Variants in CLIP2 observed in about 807,000 individuals in gnomAD.
CLIP2 encodes the protein CAP-Gly domain containing linker protein 2, also known as CAP-Gly domain-containing linker protein 2.
A neutral mutation model predicts 111.7 loss-of-function variants in CLIP2; 41 were observed. That is an observed-to-expected ratio of 0.37 (90% confidence interval 0.29 to 0.48). The LOEUF (loss-of-function observed/expected upper bound fraction) is 0.48. Ranked by LOEUF, CLIP2 falls within the 20% of genes least tolerant of loss-of-function variation. CLIP2 has a pLI of 0.99. For missense variants in CLIP2, 1,160 were observed against 1,422.1 expected, an observed-to-expected ratio of 0.82 and a Z score of 2.96; for synonymous variants, 660 against 644.2, an observed-to-expected ratio of 1.02 and a Z score of -0.37.
chr7:74,345,883 A>G (rs1425603308), intron 3 of CLIP2, among the ~76,000 whole-genome samples: 1 of 152,136 alleles, frequency 6.6e-6, no homozygotes, highest in Non-Finnish European at 1.5e-5. Flanking sequence ...AGAGGAAGAA[A>G]GAAATATTTA....
chr7:74,353,533 G>A (rs1457401346), intron 3 of CLIP2, among the ~76,000 whole-genome samples: 2 of 152,148 alleles, frequency 1.3e-5, no homozygotes, highest in African/African-American at 2.4e-5. Flanking sequence ...TTACAGGCAT[G>A]AGCCACCATG....
At chr7:74,329,291 C>T (rs528575482) in intron 2 of CLIP2, among the ~76,000 whole-genome samples, 4 of 151,928 alleles carry the variant, frequency 2.6e-5, no homozygotes, top group East Asian at 1.9e-4. Context: ...GTGATCCTCC[C>T]GCCTCGGCCT....
At chr7:74,334,173 A>G (rs1011320920) in intron 2 of CLIP2, among the ~76,000 whole-genome samples, 2 of 152,106 alleles carry the variant, frequency 1.3e-5, no homozygotes, top group Admixed American at 1.3e-4. Context: ...AGGGATAGGG[A>G]ATTTCCCATG....
chr7:74,328,698 T>C (rs1789189467), intron 2 of CLIP2, among the ~76,000 whole-genome samples: 2 of 152,122 alleles, frequency 1.3e-5, no homozygotes, highest in African/African-American at 4.8e-5. Flanking sequence ...GGCAGAAGGA[T>C]GGAGCTTTGC....
intron 2 of CLIP2, among the ~76,000 whole-genome samples, chr7:74,324,655 C>T (rs1449574786): frequency 6.6e-6 from 1 of 152,066 alleles, no homozygotes; most frequent in Non-Finnish European, 1.5e-5. Context: ...TGTCCTCTCC[C>T]TTCACTGCAC....
chr7:74,359,392 C>T (rs1164983851), intron 6 of CLIP2, among the ~76,000 whole-genome samples: 6 of 141,852 alleles, frequency 4.2e-5, no homozygotes, highest in Admixed American at 7.5e-5. Context: ...CTCGCTCTGT[C>T]GCCCAGGCTG....
chr7:74,305,865 A>ACCCCCCCCCC (rs1788472143), intron 1 of CLIP2, among the ~76,000 whole-genome samples: 7 of 75,046 alleles, frequency 9.3e-5, no homozygotes, highest in African/African-American at 3.0e-4. Context: ...ACCCCCCCCC[A>ACCCCCCCCCC]CCGCCCCTGC....
intron 7 of CLIP2, among the ~76,000 whole-genome samples, chr7:74,362,343 C>A (rs1471554329): frequency 6.6e-6 from 1 of 152,096 alleles, no homozygotes; most frequent in African/African-American, 2.4e-5. Context: ...CCAACACCCC[C>A]ACTTGGGTCT....
intron 1 of CLIP2, among the ~76,000 whole-genome samples, chr7:74,308,354 G>A (rs1463375545): frequency 6.6e-6 from 1 of 152,104 alleles, no homozygotes; most frequent in Non-Finnish European, 1.5e-5. Flanking sequence ...GCTGTGTGAT[G>A]ACCTGTGGTG....
At chr7:74,329,817 T>C (rs1198037093) in intron 2 of CLIP2, among the ~76,000 whole-genome samples, 2 of 152,150 alleles carry the variant, frequency 1.3e-5, no homozygotes, top group African/African-American at 4.8e-5. Context: ...TCTTGCTCTG[T>C]GGCCCAGGCT....
chr7:74,324,425 T>C (rs1554730424), intron 2 of CLIP2, among the ~76,000 whole-genome samples: 2 of 152,186 alleles, frequency 1.3e-5, no homozygotes, highest in Non-Finnish European at 2.9e-5. Flanking sequence ...GAACGGACTG[T>C]AGTGTGGTGT....
rs1367096033 is a variant in CLIP2, at chr7:74,338,832, T to C, written c.506T>C (p.Leu169Pro). 2 of 1,610,868 alleles carry C rather than the reference T, an allele frequency of 1.2e-6. No homozygotes were observed. The highest frequency in any genetic ancestry group is 2.7e-5 in the African/African-American group (2 of 74,902). ...GTGGAGTCGCTGACTGCCCAGAACC[T>C]GTCATTGCATTCGGGCACGGCCACG... ...HSVESLTAQN[L>P]SLHSGTATPP... Residue 169 changes from leucine (L) to proline (P), a missense_variant, in exon 3 of 17, where the codon CTG becomes CCG. By Grantham distance (98) the Leu-to-Pro change is moderately conservative (BLOSUM62 -3). Coordinates refer to ENST00000223398, the MANE Select transcript of CLIP2 (RefSeq NM_003388.5). This position sits in a 1 kb window ranked among gnomAD's most constrained non-coding sequence, Gnocchi z 4.3.
chr7:74,373,180 G>A (rs1790685465), intron 9 of CLIP2, 144 bp downstream of exon 9: 1 of 606,984 alleles, frequency 1.6e-6, no homozygotes, highest in South Asian at 2.0e-5. Flanking sequence ...CATCCCCTTG[G>A]AGGAGGGAAG....
At chr7:74,350,437 G>C (rs1327498056) in intron 3 of CLIP2, among the ~76,000 whole-genome samples, 1 of 151,854 alleles carries the variant, frequency 6.6e-6, no homozygotes, top group African/African-American at 2.4e-5. Context: ...CAAAGTCCTG[G>C]CCTCAAGTGA....
At chr7:74,398,658 G>T (rs1172310635) in intron 14 of CLIP2, among the ~76,000 whole-genome samples, 4 of 152,240 alleles carry the variant, frequency 2.6e-5, no homozygotes, top group African/African-American at 9.6e-5. Flanking sequence ...GTAGGCCCTT[G>T]GCCCTCAGGG....
At chr7:74,294,830 G>A (rs926805216) in intron 1 of CLIP2, among the ~76,000 whole-genome samples, 7 of 152,200 alleles carry the variant, frequency 4.6e-5, no homozygotes, top group African/African-American at 1.7e-4. Context: ...CAGACACTTT[G>A]ATGCCTAGTG....
At chr7:74,326,356 G>C (rs782423785) in intron 2 of CLIP2, among the ~76,000 whole-genome samples, 1 of 152,186 alleles carries the variant, frequency 6.6e-6, no homozygotes, top group African/African-American at 2.4e-5. Flanking sequence ...CAGGGGTGGG[G>C]TGCCTGGGGG....
In CLIP2 at chr7:74,360,060, T is replaced by C. The variant is rs1554309408; in HGVS notation, c.1216-115T>C. 3.2e-5 allele frequency: 25 copies of C among 778,542 alleles called. No individual in the cohort carries two copies. In the East Asian group the frequency reaches 6.6e-4, roughly 21 times the overall value. The allele number at this position is 778,542 out of a possible 1,614,324, so 48.2% of individuals were successfully genotyped here. On this transcript the variant is annotated intron_variant, in intron 6 of 16. Transcript: ENST00000223398. ...TGCCCGGCAGGTGCCAGCAGGGAAG[T>C]TGGGGTGACTGGGGTTCCAGGCCCT...
chr7:74,344,402 G>A (rs1317345082), intron 3 of CLIP2, among the ~76,000 whole-genome samples: 1 of 151,974 alleles, frequency 6.6e-6, no homozygotes, highest in African/African-American at 2.4e-5. Flanking sequence ...TTTTTTTTGA[G>A]ACAAGGTCTT....
Sources: allele counts gnomAD v4.1 joint callset (sites outside exome capture counted in the v4.1 genomes callset), GRCh38; gene constraint gnomAD v4.1.1; non-coding constraint Gnocchi (gnomAD v3.1); transcripts MANE v1.5; gene names NCBI Gene and HGNC (gene_info 2026-07-23, HGNC 2026-07-21).